CHD9: variants seen among roughly 807,000 people sequenced by gnomAD.
The protein encoded by CHD9 is chromodomain helicase DNA binding protein 9, also known as ATP-dependent chromatin remodeler CHD9.
CHD9 carries 77 observed loss-of-function variants against 316.1 expected under a neutral mutation model. The observed-to-expected ratio is 0.24, with a 90% confidence interval of 0.20 to 0.29. The LOEUF is 0.29. CHD9 is among the 10% of genes least tolerant of loss of function. The pLI is 1.00. For synonymous variants in CHD9, 1,129 were observed against 1,158.3 expected (o/e 0.97, Z 0.51); for missense variants, 2,763 against 3,438.1 (o/e 0.80, Z 4.91).
intron 2 of CHD9, among the ~76,000 whole-genome samples, chr16:53,194,686 T>C (rs1480005316): frequency 1.3e-5 from 2 of 152,222 alleles, no homozygotes; most frequent in African/African-American, 4.8e-5. Flanking sequence ...AAACATTGTA[T>C]TTCAGTTTTC....
At chr16:53,299,564 G>A in intron 30 of CHD9, 1 of 372,982 alleles carries the variant, frequency 2.7e-6, no homozygotes, top group Non-Finnish European at 5.1e-6. Context: ...ACCCTCCTCA[G>A]CAGCTATTAA....
chr16:53,248,514 G>GTTTTTT (rs752292946), intron 16 of CHD9, among the ~76,000 whole-genome samples: 4 of 132,668 alleles, frequency 3.0e-5, no homozygotes, highest in Non-Finnish European at 6.4e-5. Context: ...TGCTTTGTTG[G>GTTTTTT]TTTTTTTTTT....
intron 1 of CHD9, among the ~76,000 whole-genome samples, chr16:53,153,926 T>G (rs974356691): frequency 6.6e-6 from 1 of 152,178 alleles, no homozygotes; most frequent in Non-Finnish European, 1.5e-5. Flanking sequence ...TATTCTGGCA[T>G]GTGAGTATCT....
intron 19 of CHD9, among the ~76,000 whole-genome samples, chr16:53,260,359 G>C (rs1233178968): frequency 6.6e-6 from 1 of 152,100 alleles, no homozygotes; most frequent in African/African-American, 2.4e-5. Context: ...TATGCTTGTT[G>C]TCCCAGCTAC....
intron 2 of CHD9, among the ~76,000 whole-genome samples, chr16:53,187,040 A>G (rs919226229): frequency 6.6e-6 from 1 of 152,234 alleles, no homozygotes; most frequent in African/African-American, 2.4e-5. Flanking sequence ...TCTATGCCAG[A>G]TTAAACGAGT....
chr16:53,252,325 G>A (rs1056265999), intron 17 of CHD9, among the ~76,000 whole-genome samples: 4 of 152,130 alleles, frequency 2.6e-5, no homozygotes, highest in Non-Finnish European at 4.4e-5. Context: ...TCAACAAATG[G>A]TGCTGGGATA....
chr16:53,307,899 G>A lies in CHD9; in HGVS notation c.6999G>A (p.Met2333Ile). The change falls in exon 33 of 39, where the codon ATG becomes ATA. Residue 2333 changes from methionine (M) to isoleucine (I), a missense_variant. Met to Ile is a conservative substitution (Grantham distance 10, BLOSUM62 1). Around this residue, in one of 15 missense-constraint regions of CHD9, gnomAD observed 663 missense variants for 751.2 expected, o/e 0.88. Transcript: ENST00000447540. ...VKEEHDQSTQ[M>I]SKVKKHVREK... The stretch of plus-strand genomic sequence containing the variant: ...AAGAACATGATCAGTCAACACAGAT[G>A]TCAAAGGTGAAGAAGCATGTACGAG... 1 of 1,613,588 alleles carries A rather than the reference G, an allele frequency of 6.2e-7. No individual in the cohort carries two copies.
At chr16:53,281,851 C>G (rs2053449781) in intron 24 of CHD9, among the ~76,000 whole-genome samples, 1 of 152,198 alleles carries the variant, frequency 6.6e-6, no homozygotes, top group South Asian at 2.1e-4. Flanking sequence ...TAGACCTTCC[C>G]TGCCAACCTC....
chr16:53,287,838 G>C (rs576170398), intron 26 of CHD9, 119 bp from the exon 27 acceptor site: 2 of 770,782 alleles, frequency 2.6e-6, no homozygotes, highest in Non-Finnish European at 4.5e-6. Context: ...CTTCTGGCTA[G>C]AGAAGAGACG....
chr16:53,295,387 A>C (rs2054687548), intron 29 of CHD9, among the ~76,000 whole-genome samples: 1 of 152,178 alleles, frequency 6.6e-6, no homozygotes, highest in African/African-American at 2.4e-5. Flanking sequence ...TCAGCCTCCC[A>C]AAGTGCTGGG....
chr16:53,126,880 T>C (rs1453110848), intron 1 of CHD9, among the ~76,000 whole-genome samples: 5 of 152,096 alleles, frequency 3.3e-5, no homozygotes, highest in Non-Finnish European at 5.9e-5. Context: ...GGTTTCCCCA[T>C]ATTGGTCAGG....
At chr16:53,305,800 G>A (rs1362257335) in intron 31 of CHD9, among the ~76,000 whole-genome samples, 1 of 152,166 alleles carries the variant, frequency 6.6e-6, no homozygotes, top group African/African-American at 2.4e-5. Flanking sequence ...AACTTTCGGG[G>A]TTGCCGCAAG....
chr16:53,079,559 T>C (rs1261694115), intron 1 of CHD9, among the ~76,000 whole-genome samples: 2 of 152,198 alleles, frequency 1.3e-5, no homozygotes, highest in African/African-American at 2.4e-5. Context: ...TTATTCATAA[T>C]AAGCCCCTTT....
rs188735580 is a variant in CHD9, at chr16:53,156,116, T to C, written c.27T>C (p.Phe9=). The part of the protein sequence containing the change: MTDPMMDF[F]DDANLFGETL... Reference sequence around the variant, plus strand: ...TGACAGATCCAATGATGGACTTTTTTGATGATGCCAATCTTTTTGGTGAGA... The same window carrying C: ...TGACAGATCCAATGATGGACTTTTTCGATGATGCCAATCTTTTTGGTGAGA... Residue 9 remains phenylalanine, a synonymous_variant, in exon 2 of 39, where the codon TTT becomes TTC. Transcript: ENST00000447540. 1.5e-5 allele frequency: 25 copies of C among 1,613,312 alleles called. No individual in the cohort carries two copies. Among genetic ancestry groups the C allele is most frequent in the Non-Finnish European group, 8.5e-7 (1 of 1,179,550 alleles).
Position 53,144,027 on chromosome 16 carries a change from A to G in CHD9, c.-164-11899A>G, listed in dbSNP as rs867594723. Among the ~76,000 whole-genome samples the G allele has an allele frequency of 4.6e-5, 7 of 151,550 alleles. No homozygotes were observed. In the East Asian group the frequency reaches 9.7e-4, roughly 21 times the overall value. Reference sequence around the variant, plus strand: ...ATAGATGAGCTCCTGAAGTGGGGGGAAAAATATGATATCTTTTGTAAATTA... The same window carrying G: ...ATAGATGAGCTCCTGAAGTGGGGGGGAAAATATGATATCTTTTGTAAATTA... On this transcript the variant is annotated intron_variant, in intron 1 of 38. Coordinates refer to ENST00000447540, the MANE Select transcript of CHD9 (RefSeq NM_001308319.2).
chr16:53,239,008 G>A (rs1466304492), intron 12 of CHD9, among the ~76,000 whole-genome samples: 2 of 152,034 alleles, frequency 1.3e-5, no homozygotes, highest in Admixed American at 1.3e-4. Context: ...GTTGAGGTGA[G>A]ACCATAGGTT....
chr16:53,285,540 C>T lies in CHD9; in HGVS notation c.4968-56C>T, dbSNP rs148292917. ...CTTTAAAAGCTAGGTAAAATTTTGC[C>T]TCCTTTTTGACTCATTTATAATAAT... On this transcript the variant is annotated intron_variant, in intron 24 of 38. Transcript: ENST00000447540. 1.7e-5 allele frequency: 19 copies of T among 1,113,028 alleles called. 1 individual carries two copies. In the Admixed American group the frequency reaches 1.7e-4, roughly 10 times the overall value. 68.9% of individuals were successfully genotyped at this position (1,113,028 alleles called of 1,614,324 possible).
chr16:53,144,709 A>G lies in CHD9; in HGVS notation c.-164-11217A>G, dbSNP rs529061352. 4.6e-5 allele frequency among the ~76,000 whole-genome samples: 7 copies of G among 152,180 alleles called. No homozygotes were observed. In the South Asian group the frequency reaches 1.5e-3, roughly 32 times the overall value. ...CCCAGCTAATTTTTGTATTTTTAGT[A>G]GAGACGGGGTTTCATTATGTAGGCC... On this transcript the variant is annotated intron_variant, in intron 1 of 38. Coordinates refer to ENST00000447540, the MANE Select transcript of CHD9 (RefSeq NM_001308319.2).
intron 2 of CHD9, among the ~76,000 whole-genome samples, chr16:53,184,457 C>G (rs1037210567): frequency 6.6e-6 from 1 of 152,154 alleles, no homozygotes; most frequent in African/African-American, 2.4e-5. Flanking sequence ...TCACCCCAAC[C>G]TCCCTAGTAG....
Sources: gnomAD v4.1 joint callset for allele counts (sites outside exome capture counted in the v4.1 genomes callset) on GRCh38, gnomAD v4.1.1 for gene constraint, gnomAD v4.1.1 regional missense constraint, MANE v1.5 for transcripts, NCBI Gene and HGNC (gene_info 2026-07-23, HGNC 2026-07-21) for gene names.